Variants in PEAR1 observed in about 807,000 individuals in gnomAD.
PEAR1 encodes the protein multiple EGF-like domains protein 12.
PEAR1 carries 113 observed loss-of-function variants against 131.2 expected under a neutral mutation model. The ratio of observed to expected loss-of-function variants is 0.86; its 90% CI spans 0.74 to 1.01. PEAR1 has a LOEUF of 1.01. Among genes scored for constraint, PEAR1 ranks in the 50% least tolerant of loss-of-function variants. PEAR1 has a pLI of 0.00. For missense variants in PEAR1, 1,408 were observed against 1,391.1 expected, an observed-to-expected ratio of 1.01 and a Z score of -0.19; for synonymous variants, 565 against 523.3, an observed-to-expected ratio of 1.08 and a Z score of -1.09.
intron 2 of PEAR1, among the ~76,000 whole-genome samples, chr1:156,904,373 G>A (rs953279527): frequency 9.9e-5 from 15 of 152,138 alleles, no homozygotes; most frequent in African/African-American, 3.1e-4. Flanking sequence ...GAAACAGGGC[G>A]GGGAGAAAAG....
chr1:156,898,463 C>G (rs4147301), intron 1 of PEAR1, among the ~76,000 whole-genome samples: 57,513 of 151,790 alleles, frequency 0.38, 14,498 homozygotes, highest in East Asian at 0.82. Context: ...GGCCTGGCCC[C>G]GCTGGATATA....
chr1:156,903,350 C>T (rs1284663309), intron 1 of PEAR1, among the ~76,000 whole-genome samples: 1 of 152,188 alleles, frequency 6.6e-6, no homozygotes, highest in Non-Finnish European at 1.5e-5. Flanking sequence ...ATTCCTGAGC[C>T]GCTCTGACTG....
At chr1:156,909,958 G>A in intron 12 of PEAR1, 44 bp downstream of exon 12, 1 of 1,612,188 alleles carries the variant, frequency 6.2e-7, no homozygotes, top group Non-Finnish European at 8.5e-7. Flanking sequence ...GGGAGGGCAT[G>A]GCGTCCCCCA....
rs1315098554 is a variant in PEAR1 at position 156,916,275 on chromosome 1, T to C, written c.*1477T>C. The C allele has an allele frequency of 6.6e-6, 1 of 152,242 alleles. No homozygotes were observed. Among genetic ancestry groups the C allele is most frequent in the African/African-American group, 2.4e-5 (1 of 41,452 alleles). 9.4% of individuals were successfully genotyped at this position (152,242 alleles called of 1,614,324 possible). On this transcript the variant is annotated 3_prime_UTR_variant, in exon 23 of 23. Transcript: ENST00000292357. Reference sequence around the variant, plus strand: ...CATGTGCCCATTTTGGGTCTCTACATTGCATTTTGGTAATTGCTTGCAATA... The same window carrying C: ...CATGTGCCCATTTTGGGTCTCTACACTGCATTTTGGTAATTGCTTGCAATA...
At chr1:156,909,687 C>T in intron 11 of PEAR1, 64 bp from the exon 12 acceptor site, 1 of 1,537,474 alleles carries the variant, frequency 6.5e-7, no homozygotes, top group South Asian at 1.3e-5. Context: ...AGCCAGCTCC[C>T]ACTGTGTGCT....
At chr1:156,905,092 G>GCCC in intron 3 of PEAR1, 6 of 990,458 alleles carry the variant, frequency 6.1e-6, no homozygotes, top group Non-Finnish European at 9.2e-6. Context: ...TGGGGGGGGG[G>GCCC]CAAGAAGGGA....
At chr1:156,913,349 G>A in intron 19 of PEAR1, 42 bp from the exon 20 acceptor site, 1 of 1,606,546 alleles carries the variant, frequency 6.2e-7, no homozygotes, top group Non-Finnish European at 8.5e-7. Context: ...GGAAAGCCCT[G>A]TCCTTGCCTC....
intron 3 of PEAR1, 44 bp downstream of exon 3, chr1:156,904,896 C>T (rs750990742): frequency 9.3e-6 from 15 of 1,612,262 alleles, no homozygotes; most frequent in Admixed American, 3.3e-5. Context: ...CTACCTGAGT[C>T]GCTGCCTCAG....
In PEAR1 at chr1:156,903,922, C is replaced by T. The variant is rs747041969; in HGVS notation, c.-5C>T. 2 of 1,613,656 alleles carry T rather than the reference C, an allele frequency of 1.2e-6. No individual in the cohort carries two copies. The highest frequency in any genetic ancestry group is 1.7e-6 in the Non-Finnish European group (2 of 1,179,834). On this transcript the variant is annotated 5_prime_UTR_variant, in exon 2 of 23. Coordinates refer to ENST00000292357, the MANE Select transcript of PEAR1 (RefSeq NM_001080471.3). ...TCTGCGCCGGTCTTGCTGCAGGCCT[C>T]TGCAATGTCACCGCCTCTGTGTCCC... is the stretch of plus-strand genomic sequence containing the variant.
At chr1:156,895,147 C>T (rs561723085) in intron 1 of PEAR1, among the ~76,000 whole-genome samples, 1 of 152,338 alleles carries the variant, frequency 6.6e-6, no homozygotes, top group East Asian at 1.9e-4. Context: ...TCTCTGCCTT[C>T]CTCTCTCTCC....
rs1298646512 is a variant in PEAR1 at position 156,914,850 on chromosome 1, G to A, written c.*52G>A. On this transcript the variant is annotated 3_prime_UTR_variant, in exon 23 of 23. Coordinates refer to ENST00000292357, the MANE Select transcript of PEAR1 (RefSeq NM_001080471.3). ...AGCACACCTGGCTGTTGCTGCTCAA[G>A]GCTGGGGACAGAGCCTAGTGTACCC... 11 of 1,600,960 alleles carry A rather than the reference G, an allele frequency of 6.9e-6. No homozygotes were observed. The highest frequency in any genetic ancestry group is 9.4e-6 in the Non-Finnish European group (11 of 1,172,064).
Position 156,906,219 on chromosome 1 carries a change from T to C in PEAR1, c.308-57T>C, listed in dbSNP as rs1650278469. 5.2e-6 allele frequency: 8 copies of C among 1,537,872 alleles called. 1 individual carries two copies. ...GAAGGTGGGGTTAGGCTTTGCAGGATAAAAGCTGGGTAGGGGCAGGGGTGG... is the reference window on the plus strand; with the variant it reads ...GAAGGTGGGGTTAGGCTTTGCAGGACAAAAGCTGGGTAGGGGCAGGGGTGG... On this transcript the variant is annotated intron_variant, in intron 4 of 22. Coordinates refer to ENST00000292357, the MANE Select transcript of PEAR1 (RefSeq NM_001080471.3).
At chr1:156,910,864 T>G in intron 15 of PEAR1, 121 bp downstream of exon 15, 1 of 1,390,228 alleles carries the variant, frequency 7.2e-7, no homozygotes, top group Non-Finnish European at 9.8e-7. Context: ...GAGTAAATAT[T>G]TACTGGGCAC....
rs1651699203 is a variant in PEAR1 at position 156,914,710 on chromosome 1, C to T, written c.3026C>T (p.Ser1009Leu). The T allele has an allele frequency of 1.2e-6, 2 of 1,614,000 alleles. No individual in the cohort carries two copies. Among genetic ancestry groups the T allele is most frequent in the African/African-American group, 1.3e-5 (1 of 75,048 alleles). The change falls in exon 23 of 23, where the codon TCA becomes TTA. Residue 1009 changes from serine (S) to leucine (L), a missense_variant. Physicochemically the swap from Ser to Leu is moderately radical, Grantham distance 145. Coordinates refer to ENST00000292357, the MANE Select transcript of PEAR1 (RefSeq NM_001080471.3). The part of the protein sequence containing the change: ...PPGLPPGHYD[S>L]PKNSHIPGHY... The stretch of plus-strand genomic sequence containing the variant: ...GGCCTACCCCCCGGCCACTATGACT[C>T]ACCCAAGAACAGCCACATCCCTGGA...
intron 6 of PEAR1, 119 bp downstream of exon 6, chr1:156,906,999 A>G: frequency 7.1e-7 from 1 of 1,414,566 alleles, no homozygotes; most frequent in Non-Finnish European, 9.4e-7. Flanking sequence ...GTGGAGGCCA[A>G]GATCCTGGTC....
chr1:156,901,251 T>C (rs1649651888), intron 1 of PEAR1, among the ~76,000 whole-genome samples: 1 of 152,162 alleles, frequency 6.6e-6, no homozygotes, highest in Non-Finnish European at 1.5e-5. Flanking sequence ...TCCAGCCAGC[T>C]AACCTCCCAG....
At chr1:156,911,651 A>G (rs993486598) in intron 15 of PEAR1, among the ~76,000 whole-genome samples, 1 of 151,678 alleles carries the variant, frequency 6.6e-6, no homozygotes, top group Admixed American at 6.6e-5. Context: ...AAATACATGT[A>G]TTTCTTTATT....
intron 20 of PEAR1, 32 bp downstream of exon 20, chr1:156,913,555 G>C (rs79440685): frequency 6.2e-6 from 10 of 1,609,154 alleles, no homozygotes; most frequent in Non-Finnish European, 7.6e-6. Context: ...TCTCTGGCGC[G>C]GGTGGATGTG....
In PEAR1 at chr1:156,908,068, G is replaced by C. The variant is rs894893946; in HGVS notation, c.902+17G>C. Reference sequence around the variant, plus strand: ...TGGGGATCGGTGAGTGGCGTGGGGCGGGCGGGAGACGGGAGGGAGGAGGTG... The same window carrying C: ...TGGGGATCGGTGAGTGGCGTGGGGCCGGCGGGAGACGGGAGGGAGGAGGTG... On this transcript the variant is annotated intron_variant, in intron 8 of 22. Transcript: ENST00000292357. This position sits in a 1 kb window ranked among gnomAD's most constrained non-coding sequence, Gnocchi z 4.2. 6.4e-7 allele frequency: 1 copy of C among 1,570,560 alleles called. No individual in the cohort carries two copies. Among genetic ancestry groups the C allele is most frequent in the Non-Finnish European group, 8.6e-7 (1 of 1,156,922 alleles).
Sources: allele counts gnomAD v4.1 joint callset (sites outside exome capture counted in the v4.1 genomes callset), GRCh38; gene constraint gnomAD v4.1.1; non-coding constraint Gnocchi (gnomAD v3.1); transcripts MANE v1.5; gene names NCBI Gene and HGNC (gene_info 2026-07-23, HGNC 2026-07-21).